Variants in SACS observed in about 807,000 individuals in gnomAD.
The protein encoded by SACS is sacsin molecular chaperone.
A neutral mutation model predicts 348.0 loss-of-function variants in SACS; 197 were observed. That is an observed-to-expected ratio of 0.57 (90% CI 0.50 to 0.64). SACS has a LOEUF of 0.64. SACS is among the 30% of genes least tolerant of loss of function. The pLI, the probability that SACS is intolerant of heterozygous loss-of-function variation, is 0.00. For missense variants in SACS, 4,999 were observed against 5,360.8 expected, an observed-to-expected ratio of 0.93 and a Z score of 2.11; for synonymous variants, 1,985 against 1,910.6, an observed-to-expected ratio of 1.04 and a Z score of -1.02.
At chr13:23,367,958 AATT>A (rs1432126664) in intron 5 of SACS, among the ~76,000 whole-genome samples, 4 of 152,212 alleles carry the variant, frequency 2.6e-5, no homozygotes, top group African/African-American at 4.8e-5. Context: ...TAAATAAAAT[AATT>A]ATCCTATTAA....
At position 23,341,351 on chromosome 13, in the gene SACS, T is replaced by A; in HGVS notation, c.2525A>T (p.Asp842Val). The change falls in exon 10 of 10, where the codon GAC (aspartate) becomes GTC (valine). Residue 842 changes from aspartate to valine, a missense_variant. Physicochemically the swap from Asp to Val is radical, Grantham distance 152. This residue lies in a region of SACS where 3,156 missense variants were observed against 3,380.1 expected (regional missense o/e 0.93). Transcript: ENST00000382292. Reference sequence around the variant, plus strand: ...AAACCCTCCAAGTTTTTGTACAATGTCTGCTAAAAATTCTGGAAGCTGTGC... The same window carrying A: ...AAACCCTCCAAGTTTTTGTACAATGACTGCTAAAAATTCTGGAAGCTGTGC... Reference protein sequence around the residue: ...SEAQLPEFLADIVQKLGGFVL... With the variant: ...SEAQLPEFLAVIVQKLGGFVL... 1 of 1,605,536 alleles carries A rather than the reference T, an allele frequency of 6.2e-7. No individual in the cohort carries two copies. The highest frequency in any genetic ancestry group is 8.5e-7 in the Non-Finnish European group (1 of 1,175,466).
chr13:23,418,512 C>CTT (rs72324383), intron 1 of SACS, among the ~76,000 whole-genome samples: 6 of 151,672 alleles, frequency 4.0e-5, no homozygotes, highest in Non-Finnish European at 5.9e-5. Context: ...GCACCCATTT[C>CTT]TTTTTTTTAC....
intron 3 of SACS, chr13:23,373,721 A>C (rs1012008945): frequency 4.8e-5 from 7 of 146,838 alleles, no homozygotes; most frequent in African/African-American, 1.0e-4. Context: ...AATCGCTTGA[A>C]CCAGGGAAGC....
At chr13:23,350,975 C>A (rs568009067) in intron 9 of SACS, among the ~76,000 whole-genome samples, 169 of 152,304 alleles carry the variant, frequency 1.1e-3, no homozygotes, top group African/African-American at 3.9e-3. Context: ...GACTGGTGAG[C>A]TAATCCATTT....
chr13:23,362,736 T>G (rs1195338483), intron 6 of SACS, among the ~76,000 whole-genome samples: 1 of 150,280 alleles, frequency 6.7e-6, no homozygotes, highest in Non-Finnish European at 1.5e-5. Flanking sequence ...CAGATATGCA[T>G]CACCACGCAC....
chr13:23,389,663 G>C (rs567740861), intron 2 of SACS, among the ~76,000 whole-genome samples: 1 of 152,332 alleles, frequency 6.6e-6, no homozygotes, highest in Admixed American at 6.5e-5. Context: ...CGGAATACGT[G>C]TACAAGGGAT....
intron 7 of SACS, among the ~76,000 whole-genome samples, chr13:23,356,669 G>C (rs552550345): frequency 6.6e-6 from 1 of 152,330 alleles, no homozygotes; most frequent in South Asian, 2.1e-4. Flanking sequence ...AAAACTGGCA[G>C]AAAAACCAGA....
rs1360542483 is a variant in SACS, at chr13:23,334,252, C to G, written c.9624G>C (p.Val3208=). The part of the protein sequence containing the change: ...NILLNCKVAK[V]FDISSFADLL... The stretch of plus-strand genomic sequence containing the variant: ...AATCAGCAAAGCTGGAAATGTCAAA[C>G]ACTTTTGCAACTTTACAGTTCAATA... The change falls in exon 10 of 10, where the codon GTG becomes GTC. Residue 3208 remains valine, a synonymous_variant. Transcript: ENST00000382292. The G allele has an allele frequency of 6.2e-7, 1 of 1,613,062 alleles. No individual in the cohort carries two copies. Among genetic ancestry groups the G allele is most frequent in the South Asian group, 1.1e-5 (1 of 90,940 alleles).
chr13:23,375,047 AC>A, intron 3 of SACS, 71 bp downstream of exon 3: 2 of 1,333,258 alleles, frequency 1.5e-6, no homozygotes, highest in Non-Finnish European at 1.9e-6. Context: ...TGCGTCGCCC[AC>A]CCCGGGCCCT....
In SACS at chr13:23,335,082, G is replaced by C. The variant is rs370913893; in HGVS notation, c.8794C>G (p.Arg2932Gly). ...GTTGGATCAGAACCAGGGAAATACC[G>C]TTTTTTTAACTGTATTAGCAATTCA... ...YVELLIQLKK[R>G]YFPGSDPTLS... The change falls in exon 10 of 10, where the codon CGG (arginine) becomes GGG (glycine). Residue 2932 changes from arginine (R) to glycine (G), a missense_variant. Physicochemically the swap from Arg to Gly is moderately radical, Grantham distance 125. This residue lies in a region of SACS where 734 missense variants were observed against 694.0 expected (regional missense o/e 1.06). Transcript: ENST00000382292. This position sits in a 1 kb window ranked among gnomAD's most constrained non-coding sequence, Gnocchi z 4.7. 1.9e-6 allele frequency: 3 copies of C among 1,613,308 alleles called. No individual in the cohort carries two copies. Among genetic ancestry groups the C allele is most frequent in the Non-Finnish European group, 2.5e-6 (3 of 1,179,610 alleles).
chr13:23,401,516 T>C (rs1037087191), intron 2 of SACS, among the ~76,000 whole-genome samples: 1 of 152,210 alleles, frequency 6.6e-6, no homozygotes, highest in Admixed American at 6.5e-5. Flanking sequence ...CGTGACCACC[T>C]TGGGCACATG....
chr13:23,365,083 T>C, intron 6 of SACS, 83 bp downstream of exon 6: 2 of 884,940 alleles, frequency 2.3e-6, no homozygotes, highest in Middle Eastern at 2.2e-4. Context: ...TGATAGACTG[T>C]TCATTAAACA....
At chr13:23,380,553 A>T (rs960608296) in intron 2 of SACS, among the ~76,000 whole-genome samples, 9 of 152,150 alleles carry the variant, frequency 5.9e-5, no homozygotes, top group Non-Finnish European at 1.2e-4. Context: ...ATAATAATAA[A>T]GCTGTCACTA....
rs539358528 is a variant in SACS, at chr13:23,344,431, G to A, written c.2186-2741C>T. 7.2e-5 allele frequency among the ~76,000 whole-genome samples: 11 copies of A among 151,916 alleles called. No individual in the cohort carries two copies. The East Asian group carries it at 7.7e-4, about 11-fold the overall frequency. ...ACATATAGCATGCAACTAACACATC[G>A]GTCATGCTCAACGGAAAAAAACATG... On this transcript the variant is annotated intron_variant, in intron 9 of 9. Transcript: ENST00000382292.
At chr13:23,398,016 A>G (rs1015308495) in intron 2 of SACS, among the ~76,000 whole-genome samples, 6 of 151,170 alleles carry the variant, frequency 4.0e-5, no homozygotes, top group African/African-American at 1.2e-4. Context: ...ACACGGAGAA[A>G]CCCTGTCTCT....
In SACS at chr13:23,334,733, C is replaced by T. The variant is rs553929593; in HGVS notation, c.9143G>A (p.Arg3048His). 2.5e-6 allele frequency: 4 copies of T among 1,613,678 alleles called. No homozygotes were observed. Among genetic ancestry groups the T allele is most frequent in the Non-Finnish European group, 3.4e-6 (4 of 1,179,742 alleles). Residue 3048 changes from arginine to histidine, a missense_variant, in exon 10 of 10, where the codon CGC becomes CAC. Coordinates refer to ENST00000382292, the MANE Select transcript of SACS (RefSeq NM_014363.6). ...ATAGACATTCTCTGCTACTGTTTTGCGTGTGGTGATATTATAATCTGCATT... is the reference window on the plus strand; with the variant it reads ...ATAGACATTCTCTGCTACTGTTTTGTGTGTGGTGATATTATAATCTGCATT... ...LKNADYNITTRKTVAENVYRL... is the reference protein window; with the variant it reads ...LKNADYNITTHKTVAENVYRL...
At position 23,336,738 on chromosome 13, in the gene SACS, T is replaced by G. The variant is rs753837623; in HGVS notation, c.7138A>C (p.Asn2380His). 6.2e-7 allele frequency: 1 copy of G among 1,613,906 alleles called. No individual in the cohort carries two copies. Among genetic ancestry groups the G allele is most frequent in the Non-Finnish European group, 8.5e-7 (1 of 1,179,892 alleles). Residue 2380 changes from asparagine to histidine, a missense_variant, in exon 10 of 10, where the codon AAT (asparagine) becomes CAT (histidine). Transcript: ENST00000382292. Reference protein sequence around the residue: ...YLYQLPNKYKNNFRELFETVG... With the variant: ...YLYQLPNKYKHNFRELFETVG... The stretch of plus-strand genomic sequence containing the variant: ...GTTTCAAAAAGTTCGCGGAAATTAT[T>G]TTTATACTTATTAGGCAACTGATAA...
At chr13:23,398,208 T>G (rs2137918610) in intron 2 of SACS, among the ~76,000 whole-genome samples, 1 of 146,512 alleles carries the variant, frequency 6.8e-6, no homozygotes, top group South Asian at 2.2e-4. Flanking sequence ...TAAAATAAAA[T>G]TAAATTAAAT....
Position 23,337,120 on chromosome 13 carries a change from A to T in SACS, c.6756T>A (p.Asp2252Glu), listed in dbSNP as rs1284475626. Reference sequence around the variant, plus strand: ...GAATTGGTTGCAAAAGACAAACTATATCTTGATGTTCAGCTGTATAAAGGT... The same window carrying T: ...GAATTGGTTGCAAAAGACAAACTATTTCTTGATGTTCAGCTGTATAAAGGT... The part of the protein sequence containing the change: ...ATDLYTAEHQ[D>E]IVCLLQPILN... The change falls in exon 10 of 10, where the codon GAT (aspartate) becomes GAA (glutamate). Residue 2252 changes from aspartate (D) to glutamate (E), a missense_variant. This residue lies in a region of SACS where 3,156 missense variants were observed against 3,380.1 expected (regional missense o/e 0.93). Coordinates refer to ENST00000382292, the MANE Select transcript of SACS (RefSeq NM_014363.6). 6.2e-7 allele frequency: 1 copy of T among 1,614,026 alleles called. No homozygotes were observed.
Sources: allele counts gnomAD v4.1 joint callset (sites outside exome capture counted in the v4.1 genomes callset), GRCh38; gene constraint gnomAD v4.1.1; regional missense constraint gnomAD v4.1.1; non-coding constraint Gnocchi (gnomAD v3.1); transcripts MANE v1.5; gene names NCBI Gene and HGNC (gene_info 2026-07-23, HGNC 2026-07-21).